GLB1L3: variants seen among roughly 807,000 people sequenced by gnomAD.
GLB1L3 encodes the protein beta-galactosidase-1-like protein 3.
A neutral mutation model predicts 89.5 loss-of-function variants in GLB1L3; 89 were observed. The ratio of observed to expected loss-of-function variants is 0.99; its 90% CI spans 0.84 to 1.19. The LOEUF (loss-of-function observed/expected upper bound fraction) is 1.19. Among genes scored for constraint, GLB1L3 ranks in the 50% most tolerant of loss-of-function variants. The probability of loss-of-function intolerance (pLI) is 0.00; values close to 1 mark genes in which losing one functional copy is unlikely to be tolerated. For missense variants in GLB1L3, 812 were observed against 813.3 expected, an observed-to-expected ratio of 1.00 and a Z score of 0.02; for synonymous variants, 314 against 312.3, an observed-to-expected ratio of 1.01 and a Z score of -0.06.
intron 7 of GLB1L3, among the ~76,000 whole-genome samples, chr11:134,289,473 T>C (rs1420987525): frequency 6.6e-6 from 1 of 152,184 alleles, no homozygotes; most frequent in Non-Finnish European, 1.5e-5. Flanking sequence ...CCTGTGTTGT[T>C]CAAGGTTCAA....
At chr11:134,277,149 G>T (rs753581911) in intron 1 of GLB1L3, 177 bp from the exon 2 acceptor site, 1 of 757,280 alleles carries the variant, frequency 1.3e-6, no homozygotes, top group East Asian at 2.5e-5. Context: ...GGCTGCAGAG[G>T]ACTGGCCGGG....
At chr11:134,315,084 A>T (rs1182411527) in intron 18 of GLB1L3, among the ~76,000 whole-genome samples, 1 of 152,212 alleles carries the variant, frequency 6.6e-6, no homozygotes, top group Non-Finnish European at 1.5e-5. Context: ...TGTAAATGGA[A>T]TCATACAGGG....
intron 9 of GLB1L3, among the ~76,000 whole-genome samples, chr11:134,295,011 C>G (rs1941555238): frequency 6.6e-6 from 1 of 152,182 alleles, no homozygotes; most frequent in African/African-American, 2.4e-5. Context: ...TTGCCAGATT[C>G]AGTTTATTCA....
chr11:134,308,854 T>C (rs1410047951), intron 10 of GLB1L3, among the ~76,000 whole-genome samples: 3 of 152,200 alleles, frequency 2.0e-5, no homozygotes, highest in Non-Finnish European at 4.4e-5. Context: ...AGAAAATAGG[T>C]TGCCCCAGGT....
At chr11:134,310,271 G>A in intron 11 of GLB1L3, 2 of 439,604 alleles carry the variant, frequency 4.5e-6, no homozygotes, top group South Asian at 4.3e-5. Flanking sequence ...GTGTTGGGCT[G>A]CATTCAAAGC....
intron 10 of GLB1L3, among the ~76,000 whole-genome samples, chr11:134,308,191 CACCAT>C (rs1942312518): frequency 9.4e-6 from 1 of 106,190 alleles, no homozygotes; most frequent in Non-Finnish European, 1.8e-5. Context: ...TCACCATCAT[CACCAT>C]CACCACTACC....
At chr11:134,325,063 T>A in the GLB1L3 span, among the ~76,000 whole-genome samples, 1 of 152,190 alleles carries the variant, frequency 6.6e-6, no homozygotes, top group Non-Finnish European at 1.5e-5. Context: ...CACATTCACA[T>A]GAGCTGTCAA....
At chr11:134,320,261 A>G (rs1460084044), downstream of GLB1L3, among the ~76,000 whole-genome samples, 1 of 152,202 alleles carries the variant, frequency 6.6e-6, no homozygotes, top group Non-Finnish European at 1.5e-5. Context: ...GAATGAAGAT[A>G]AAGATGTCAG....
intron 5 of GLB1L3, 100 bp downstream of exon 5, chr11:134,282,220 C>T (rs148448933): frequency 8.8e-6 from 12 of 1,365,978 alleles, no homozygotes; most frequent in South Asian, 7.5e-5. Flanking sequence ...CCTTTATTCA[C>T]GGAGCCGATG....
chr11:134,312,618 A>T (rs1942790360), intron 14 of GLB1L3, 129 bp downstream of exon 14: 2 of 1,225,408 alleles, frequency 1.6e-6, no homozygotes, highest in Admixed American at 4.5e-5. Flanking sequence ...TTGGGACTAA[A>T]AAGTCAGGCC....
intron 11 of GLB1L3, 171 bp downstream of exon 11, chr11:134,309,934 A>G (rs1248238700): frequency 5.6e-6 from 4 of 710,404 alleles, no homozygotes; most frequent in Non-Finnish European, 9.1e-6. Flanking sequence ...TAATGCCCCA[A>G]CAGGCTGTCA....
rs1321573301 is a variant in GLB1L3, at chr11:134,304,236, G to A, written c.877-2888G>A. Among the ~76,000 whole-genome samples, 3 of 151,896 alleles carry A rather than the reference G, an allele frequency of 2.0e-5. No homozygotes were observed. The East Asian group carries it at 5.8e-4, about 29-fold the overall frequency. ...TTTTTGTCTACTTATGCTGCTATTT[G>A]GATACTTTCTTCTGATTTATTTTCA... On this transcript the variant is annotated intron_variant, in intron 9 of 19. Transcript: ENST00000431683.
chr11:134,292,555 T>C, intron 8 of GLB1L3: 1 of 222,962 alleles, frequency 4.5e-6, no homozygotes. Context: ...CTCCACTAAC[T>C]TGGGAAACCA....
At chr11:134,289,124 C>A in intron 7 of GLB1L3, 1 of 415,222 alleles carries the variant, frequency 2.4e-6, no homozygotes. Context: ...GAAGCCTTAC[C>A]AATAATAAAC....
At chr11:134,325,154 C>G in the GLB1L3 span, among the ~76,000 whole-genome samples, 1 of 152,110 alleles carries the variant, frequency 6.6e-6, no homozygotes, top group Admixed American at 6.5e-5. Flanking sequence ...TTATAATAAT[C>G]AGTAATTGCT....
intron 18 of GLB1L3, among the ~76,000 whole-genome samples, chr11:134,315,104 T>A (rs1284088714): frequency 1.1e-4 from 17 of 152,356 alleles, no homozygotes; most frequent in South Asian, 1.0e-3. Context: ...GCATCTTTTT[T>A]AAATATGTTT....
In GLB1L3 at chr11:134,277,736, G is replaced by T. The variant is rs1396614409; in HGVS notation, c.186G>T (p.Lys62Asn). 2 of 1,612,766 alleles carry T rather than the reference G, an allele frequency of 1.2e-6. No individual in the cohort carries two copies. The highest frequency in any genetic ancestry group is 2.7e-5 in the African/African-American group (2 of 74,872). ...CTCATCTGACCCCTCTGGAGCTGAA[G>T]AATCGATCTGTGGGACTTGGAACTG... ...NWSHLTPLEL[K>N]NRSVGLGTES... is the part of the protein sequence containing the mutation. The change falls in exon 3 of 20, where the codon AAG (lysine) becomes AAT (asparagine). Residue 62 changes from lysine to asparagine, a missense_variant. By Grantham distance (94) the Lys-to-Asn change is moderately conservative (BLOSUM62 0). Transcript: ENST00000431683.
At chr11:134,295,589 T>C (rs2136158407) in intron 9 of GLB1L3, among the ~76,000 whole-genome samples, 1 of 152,340 alleles carries the variant, frequency 6.6e-6, no homozygotes, top group Middle Eastern at 3.4e-3. Flanking sequence ...TTCCCTGTTA[T>C]TTTTGTGTCT....
At chr11:134,314,051 T>C in intron 17 of GLB1L3, 23 bp downstream of exon 17, 1 of 1,467,240 alleles carries the variant, frequency 6.8e-7, no homozygotes, top group Admixed American at 1.7e-5. Flanking sequence ...TGGCCCCCAG[T>C]GCACACTTCA....
Sources: gnomAD v4.1 joint callset for allele counts (sites outside exome capture counted in the v4.1 genomes callset) on GRCh38, gnomAD v4.1.1 for gene constraint, MANE v1.5 for transcripts, NCBI Gene and HGNC (gene_info 2026-07-23, HGNC 2026-07-21) for gene names.